The following PLEKHG1 variants were observed in gnomAD, a reference collection of about 807,000 sequenced individuals.
The protein encoded by PLEKHG1 is pleckstrin homology domain-containing family G member 1.
In PLEKHG1, 44 loss-of-function variants were observed where a neutral mutation model predicts 100.8. The ratio of observed to expected loss-of-function variants is 0.44; its 90% CI spans 0.34 to 0.56. The LOEUF (loss-of-function observed/expected upper bound fraction) is 0.56, where lower values mean the gene tolerates loss of function less well. Among genes scored for constraint, PLEKHG1 ranks in the 20% least tolerant of loss-of-function variants. The probability of loss-of-function intolerance (pLI) is 0.01; values close to 1 mark genes in which losing one functional copy is unlikely to be tolerated. For synonymous variants in PLEKHG1, 640 were observed against 662.5 expected, an observed-to-expected ratio of 0.97 and a Z score of 0.52; for missense variants, 1,545 against 1,720.9, an observed-to-expected ratio of 0.90 and a Z score of 1.81.
At chr6:150,806,969 C>G (rs6924094) in intron 7 of PLEKHG1, among the ~76,000 whole-genome samples, 6,786 of 152,194 alleles carry the variant, frequency 0.045, 237 homozygotes, top group African/African-American at 0.095. Flanking sequence ...TGAATCACCC[C>G]TTTGTCCAGT....
At chr6:150,771,381 C>G (rs558972098) in intron 3 of PLEKHG1, among the ~76,000 whole-genome samples, 3 of 151,930 alleles carry the variant, frequency 2.0e-5, no homozygotes, top group Non-Finnish European at 4.4e-5. Context: ...CGCGCCACTG[C>G]ACTCCAGCCT....
chr6:150,755,586 C>G (rs374707227), intron 2 of PLEKHG1, among the ~76,000 whole-genome samples: 16 of 152,156 alleles, frequency 1.1e-4, no homozygotes, highest in Non-Finnish European at 1.9e-4. Flanking sequence ...TTGAATGGAC[C>G]ATGTGTGCAG....
chr6:150,714,188 G>C (rs1318625244), intron 3 of PLEKHG1, among the ~76,000 whole-genome samples: 1 of 152,216 alleles, frequency 6.6e-6, no homozygotes, highest in East Asian at 1.9e-4. Flanking sequence ...CCAGTCCTCC[G>C]ATGGTGTCCT....
chr6:150,721,068 A>G (rs1396593042), upstream of PLEKHG1: 1 of 784,562 alleles, frequency 1.3e-6, no homozygotes. Context: ...TGGGTTTGGG[A>G]GATAAAAGCT....
chr6:150,645,987 T>G (rs1429460126), intron 2 of PLEKHG1, among the ~76,000 whole-genome samples: 1 of 152,236 alleles, frequency 6.6e-6, no homozygotes, highest in Non-Finnish European at 1.5e-5. Flanking sequence ...TCTACAGGTC[T>G]AAACACCAGA....
At position 150,779,344 on chromosome 6, in the gene PLEKHG1, G is replaced by GTTTGTTTTT. The variant is rs1257363893; in HGVS notation, c.513-7043_513-7042insGTTTTTTTT. The stretch of plus-strand genomic sequence containing the variant: ...ACAGGGGGTTAAATATTGTCAAGAA[G>GTTTGTTTTT]TTTTTTTTTTTTTTTTTTTGAGACA... On this transcript the variant is annotated intron_variant, in intron 3 of 15. Transcript: ENST00000358517. Among the ~76,000 whole-genome samples the GTTTGTTTTT allele has an allele frequency of 3.7e-4, 39 of 104,504 alleles. 1 individual carries two copies. Among genetic ancestry groups the GTTTGTTTTT allele is most frequent in the African/African-American group, 1.3e-3 (31 of 23,204 alleles). The allele number at this position is 104,504 out of a possible 152,430, so 68.6% of individuals were successfully genotyped here.
At chr6:150,612,557 T>C (rs1776898356) in intron 1 of PLEKHG1, among the ~76,000 whole-genome samples, 2 of 152,166 alleles carry the variant, frequency 1.3e-5, no homozygotes, top group South Asian at 4.2e-4. Context: ...GGTCTCAAAC[T>C]CCTGACCTCA....
chr6:150,695,122 T>G (rs13191929), intron 3 of PLEKHG1, among the ~76,000 whole-genome samples: 1 of 152,228 alleles, frequency 6.6e-6, no homozygotes, highest in African/African-American at 2.4e-5. Flanking sequence ...CAAAAGTTTG[T>G]AAGTCTTTTG....
upstream of PLEKHG1, among the ~76,000 whole-genome samples, chr6:150,717,635 G>T (rs1264825523): frequency 6.6e-6 from 1 of 152,198 alleles, no homozygotes; most frequent in Non-Finnish European, 1.5e-5. Flanking sequence ...CCCACTCCAG[G>T]TGGGGACACT....
chr6:150,824,033 G>A (rs1323319313), intron 14 of PLEKHG1, among the ~76,000 whole-genome samples: 1 of 152,134 alleles, frequency 6.6e-6, no homozygotes. Flanking sequence ...TAAGACCAAT[G>A]CCCCTGCCTC....
chr6:150,675,612 C>T (rs1165964018), intron 3 of PLEKHG1, among the ~76,000 whole-genome samples: 1 of 152,058 alleles, frequency 6.6e-6, no homozygotes, highest in Non-Finnish European at 1.5e-5. Flanking sequence ...ACGGAGTCTC[C>T]CTCTGTCACC....
intron 2 of PLEKHG1, among the ~76,000 whole-genome samples, chr6:150,745,668 G>A (rs1367167012): frequency 6.7e-6 from 1 of 150,128 alleles, no homozygotes; most frequent in African/African-American, 2.5e-5. Context: ...GGGTGACAGA[G>A]CGAGACTCCA....
chr6:150,721,055 T>G, upstream of PLEKHG1: 1 of 660,494 alleles, frequency 1.5e-6, no homozygotes, highest in Non-Finnish European at 1.9e-6. Flanking sequence ...AGCCTTTGTG[T>G]GTTGGGTTTG....
At chr6:150,706,959 T>C (rs1050258128) in intron 3 of PLEKHG1, among the ~76,000 whole-genome samples, 2 of 136,818 alleles carry the variant, frequency 1.5e-5, no homozygotes, top group African/African-American at 5.2e-5. Context: ...CTAGCATATG[T>C]TTCATTTTCT....
At chr6:150,768,023 A>G (rs1252109309) in intron 2 of PLEKHG1, among the ~76,000 whole-genome samples, 3 of 152,138 alleles carry the variant, frequency 2.0e-5, no homozygotes, top group South Asian at 2.1e-4. Flanking sequence ...TTAACCCACT[A>G]TGGGTCTCAA....
intron 1 of PLEKHG1, among the ~76,000 whole-genome samples, chr6:150,610,140 C>A (rs962996391): frequency 1.3e-5 from 2 of 152,174 alleles, no homozygotes; most frequent in Admixed American, 6.5e-5. Context: ...CTCACTCTGT[C>A]ACCCAGGCTG....
At chr6:150,706,695 C>T (rs1002646581) in intron 3 of PLEKHG1, among the ~76,000 whole-genome samples, 4 of 151,406 alleles carry the variant, frequency 2.6e-5, no homozygotes, top group Non-Finnish European at 5.9e-5. Context: ...TTAATTGCTT[C>T]TTCTATCTTA....
At chr6:150,722,980 C>T (rs1483503196) in intron 1 of PLEKHG1, among the ~76,000 whole-genome samples, 1 of 152,064 alleles carries the variant, frequency 6.6e-6, no homozygotes, top group African/African-American at 2.4e-5. Flanking sequence ...ATTTTTTTAG[C>T]CTTTGAAAAA....
At chr6:150,647,294 G>A (rs1339852110) in intron 2 of PLEKHG1, among the ~76,000 whole-genome samples, 2 of 152,046 alleles carry the variant, frequency 1.3e-5, no homozygotes, top group East Asian at 3.9e-4. Flanking sequence ...CTCTTTCGTG[G>A]GTAATTGTTG....
Sources: allele counts gnomAD v4.1 joint callset (sites outside exome capture counted in the v4.1 genomes callset), GRCh38; gene constraint gnomAD v4.1.1; transcripts MANE v1.5; gene names NCBI Gene and HGNC (gene_info 2026-07-23, HGNC 2026-07-21).